The following RPS6KA2 variants were observed in gnomAD, a reference collection of about 807,000 sequenced individuals.
RPS6KA2 encodes ribosomal protein S6 kinase alpha-2.
RPS6KA2 carries 42 observed loss-of-function variants against 91.8 expected under a neutral mutation model. That is an observed-to-expected ratio of 0.46 (90% CI 0.36 to 0.59). RPS6KA2 has a LOEUF of 0.59. Ranked by LOEUF, RPS6KA2 falls within the 20% of genes least tolerant of loss-of-function variation. The pLI is 0.00. For synonymous variants in RPS6KA2, 414 were observed against 393.6 expected (o/e 1.05, Z -0.61); for missense variants, 798 against 978.5 (o/e 0.82, Z 2.46).
chr6:166,519,493 T>C (rs536905886), intron 3 of RPS6KA2, among the ~76,000 whole-genome samples: 2 of 152,348 alleles, frequency 1.3e-5, no homozygotes, highest in East Asian at 3.9e-4. Context: ...TTGGATGATG[T>C]AGTTTCCGTG....
rs549175037 is a variant in RPS6KA2 at position 166,430,348 on chromosome 6, A to G, written c.1581+105T>C. 3.2e-5 allele frequency: 33 copies of G among 1,030,534 alleles called. No homozygotes were observed. In the African/African-American group the frequency reaches 4.8e-4, roughly 15 times the overall value. The allele number at this position is 1,030,534 out of a possible 1,614,324, so 63.8% of individuals were successfully genotyped here. A position where few individuals can be genotyped will look rare whatever the true frequency, so the allele number is the denominator to read the frequency against. On this transcript the variant is annotated intron_variant, in intron 16 of 20. Transcript: ENST00000265678. Reference sequence around the variant, plus strand: ...ACGATGGTGGCACGGAAGGAATTCCAGGACAATCCGCGTTCTCAGCTCTTG... The same window carrying G: ...ACGATGGTGGCACGGAAGGAATTCCGGGACAATCCGCGTTCTCAGCTCTTG...
chr6:166,833,319 T>C (rs1780234098), intron 2 of RPS6KA2, among the ~76,000 whole-genome samples: 1 of 152,262 alleles, frequency 6.6e-6, no homozygotes, highest in Non-Finnish European at 1.5e-5. Flanking sequence ...AGTCAGTCTA[T>C]AACTGAATAT....
chr6:166,461,684 T>C (rs1248695755), intron 11 of RPS6KA2, among the ~76,000 whole-genome samples: 1 of 152,174 alleles, frequency 6.6e-6, no homozygotes, highest in African/African-American at 2.4e-5. Flanking sequence ...GAGGAATTTA[T>C]TTACACAAGA....
intron 2 of RPS6KA2, among the ~76,000 whole-genome samples, chr6:166,836,129 A>G (rs1780309735): frequency 6.6e-6 from 1 of 152,084 alleles, no homozygotes; most frequent in South Asian, 2.1e-4. Flanking sequence ...ATTTGCTAAT[A>G]TTTTCCTAAG....
chr6:166,553,927 T>C (rs1338109573), intron 1 of RPS6KA2, among the ~76,000 whole-genome samples: 1 of 152,168 alleles, frequency 6.6e-6, no homozygotes, highest in African/African-American at 2.4e-5. Context: ...TATTCAGAAC[T>C]TAGCCCTGCT....
intron 2 of RPS6KA2, among the ~76,000 whole-genome samples, chr6:166,534,431 G>C (rs1307533321): frequency 1.3e-5 from 2 of 152,014 alleles, no homozygotes; most frequent in South Asian, 4.2e-4. Context: ...ATTTGTGTTT[G>C]GACGGTGCAG....
chr6:166,427,627 C>CA (rs1778972229), intron 16 of RPS6KA2, among the ~76,000 whole-genome samples: 1 of 152,140 alleles, frequency 6.6e-6, no homozygotes. Context: ...AATCAATGTA[C>CA]AAAAATCACA....
chr6:166,572,621 C>T (rs1399986208), intron 1 of RPS6KA2, among the ~76,000 whole-genome samples: 2 of 152,228 alleles, frequency 1.3e-5, no homozygotes, highest in East Asian at 3.9e-4. Flanking sequence ...TATGGGCTTA[C>T]AGCTCCTCCA....
At chr6:166,829,589 C>CAAAAAAAAAAAAAAAAA (rs57711560) in intron 2 of RPS6KA2, among the ~76,000 whole-genome samples, 1 of 96,896 alleles carries the variant, frequency 1.0e-5, no homozygotes, top group African/African-American at 4.7e-5. Flanking sequence ...GACTCTGTCT[C>CAAAAAAAAAAAAAAAAA]AAAAAAAAAA....
In RPS6KA2 at chr6:166,568,639, A is replaced by G. The variant is rs1364102919; in HGVS notation, c.100-29855T>C. On this transcript the variant is annotated intron_variant, in intron 1 of 20. Transcript: ENST00000265678. ...CATCTCAGAAAAAAAAAAAAAAAAA[A>G]AAAAAAAAAAAAAAAAAAAAAAGCA... Among the ~76,000 whole-genome samples the G allele has an allele frequency of 5.5e-3, 669 of 122,110 alleles. 15 individuals are homozygous for G. The highest frequency in any genetic ancestry group is 0.024 in the African/African-American group (624 of 25,664). 80.1% of individuals were successfully genotyped at this position (122,110 alleles called of 152,430 possible).
chr6:166,552,054 C>T (rs751552981), intron 1 of RPS6KA2, among the ~76,000 whole-genome samples: 1 of 152,176 alleles, frequency 6.6e-6, no homozygotes, highest in Non-Finnish European at 1.5e-5. Flanking sequence ...AGGCTGAAGA[C>T]CCACACCTAG....
At chr6:166,673,460 C>T (rs888552616) in intron 2 of RPS6KA2, among the ~76,000 whole-genome samples, 2 of 152,312 alleles carry the variant, frequency 1.3e-5, no homozygotes, top group Non-Finnish European at 1.5e-5. Flanking sequence ...GAGTCGCTGT[C>T]CCTGGGGGGC....
chr6:166,831,401 G>T (rs989600583), intron 2 of RPS6KA2, among the ~76,000 whole-genome samples: 1 of 152,032 alleles, frequency 6.6e-6, no homozygotes, highest in Admixed American at 6.5e-5. Context: ...ACTTGAATTT[G>T]CCCTTCCTTC....
chr6:166,514,554 A>G (rs1782576863), intron 3 of RPS6KA2, among the ~76,000 whole-genome samples: 1 of 152,194 alleles, frequency 6.6e-6, no homozygotes, highest in African/African-American at 2.4e-5. Context: ...TGGCGCACAG[A>G]GCTGCAGTGC....
chr6:166,776,136 G>A (rs1046016325), intron 2 of RPS6KA2, among the ~76,000 whole-genome samples: 1 of 152,180 alleles, frequency 6.6e-6, no homozygotes, highest in Non-Finnish European at 1.5e-5. Flanking sequence ...GCAAAAATAC[G>A]TGGAGAAAGT....
At chr6:166,830,136 AAAAAAGAAAGAAAG>A (rs1277280915) in intron 2 of RPS6KA2, among the ~76,000 whole-genome samples, 11 of 108,278 alleles carry the variant, frequency 1.0e-4, no homozygotes, top group Non-Finnish European at 1.9e-4. Context: ...AAAAAAAAAA[AAAAAAGAAAGAAAG>A]AAAGAAAGAA....
chr6:166,473,686 G>A (rs1439844536), intron 10 of RPS6KA2, among the ~76,000 whole-genome samples: 1 of 152,038 alleles, frequency 6.6e-6, no homozygotes, highest in Non-Finnish European at 1.5e-5. Context: ...TCATGGTTTG[G>A]GACTCCTTTG....
Position 166,767,815 on chromosome 6 carries a change from A to ACACC in RPS6KA2, c.123+90384_123+90385insGGTG, listed in dbSNP as rs1491072951. ...CACACACACACACACACACACACAC[A>ACACC]CCCTGGTGTCAGGCAGCCGGCCACC... On this transcript the variant is annotated intron_variant, in intron 2 of 21. Coordinates refer to the RPS6KA2 transcript ENST00000503859. The surrounding 1 kb of genome is among the most constrained non-coding windows in gnomAD (Gnocchi z 4.6). Among the ~76,000 whole-genome samples, 1 of 133,188 alleles carries ACACC rather than the reference A, an allele frequency of 7.5e-6. No individual in the cohort carries two copies. The highest frequency in any genetic ancestry group is 2.8e-5 in the African/African-American group (1 of 35,834). The allele number at this position is 133,188 out of a possible 152,430, so 87.4% of individuals were successfully genotyped here.
intron 2 of RPS6KA2, chr6:166,701,588 G>A: frequency 7.3e-7 from 1 of 1,370,684 alleles, no homozygotes; most frequent in Non-Finnish European, 1.0e-6. Flanking sequence ...CTGACTGATA[G>A]AGCCGGGATA....
Sources: gnomAD v4.1 joint callset for allele counts (sites outside exome capture counted in the v4.1 genomes callset) on GRCh38, gnomAD v4.1.1 for gene constraint, Gnocchi (gnomAD v3.1) non-coding constraint, MANE v1.5 for transcripts, NCBI Gene and HGNC (gene_info 2026-07-23, HGNC 2026-07-21) for gene names.